The following SLC6A5 variants were observed in gnomAD, a reference collection of about 807,000 sequenced individuals.
The protein encoded by SLC6A5 is sodium- and chloride-dependent glycine transporter 2.
SLC6A5 carries 58 observed loss-of-function variants against 90.5 expected under a neutral mutation model. The ratio of observed to expected loss-of-function variants is 0.64; its 90% confidence interval spans 0.52 to 0.80. SLC6A5 has a LOEUF of 0.80. Among genes scored for constraint, SLC6A5 ranks in the 30% least tolerant of loss-of-function variants. The pLI is 0.00. For synonymous variants in SLC6A5, 427 were observed against 401.4 expected (o/e 1.06, Z -0.76); for missense variants, 1,015 against 1,017.6 (o/e 1.00, Z 0.03).
chr11:20,611,679 C>G (rs539989147), intron 5 of SLC6A5, among the ~76,000 whole-genome samples: 3 of 150,798 alleles, frequency 2.0e-5, no homozygotes, highest in Non-Finnish European at 4.4e-5. Flanking sequence ...ACGCAGGAAA[C>G]TCTATTTGCT....
chr11:20,600,904 C>T lies in SLC6A5; in HGVS notation c.4-225C>T, dbSNP rs1852458027. Among the ~76,000 whole-genome samples the T allele has an allele frequency of 1.3e-5, 2 of 152,134 alleles. 1 individual carries two copies. Among genetic ancestry groups the T allele is most frequent in the South Asian group, 4.1e-4 (2 of 4,828 alleles). ...CTACCTCTTTTCTTAGTTCATCCTC[C>T]ACTAGGGAGGGAATATTAGCTTCTT... is the stretch of plus-strand genomic sequence containing the variant. On this transcript the variant is annotated intron_variant, in intron 1 of 15. Coordinates refer to ENST00000525748, the MANE Select transcript of SLC6A5 (RefSeq NM_004211.5).
rs531279103 is a variant in SLC6A5 at position 20,655,024 on chromosome 11, G to A, written c.*156G>A. On this transcript the variant is annotated 3_prime_UTR_variant, in exon 16 of 16. Coordinates refer to ENST00000525748, the MANE Select transcript of SLC6A5 (RefSeq NM_004211.5). ...GTGATTATGTAGAAAAGTAGGCATA[G>A]TGTCGCATGCTGCAGTAAAGAGCTA... The A allele has an allele frequency of 6.0e-6, 5 of 839,686 alleles. No individual in the cohort carries two copies. The highest frequency in any genetic ancestry group is 8.1e-6 in the Non-Finnish European group (4 of 493,294). The allele number at this position is 839,686 out of a possible 1,614,324, so 52.0% of individuals were successfully genotyped here. A position where few individuals can be genotyped will look rare whatever the true frequency, so the allele number is the denominator to read the frequency against.
rs1853019250 is a variant in SLC6A5 at position 20,627,458 on chromosome 11, T to C, written c.1396-522T>C. On this transcript the variant is annotated intron_variant, in intron 8 of 15. Coordinates refer to ENST00000525748, the MANE Select transcript of SLC6A5 (RefSeq NM_004211.5). Reference sequence around the variant, plus strand: ...TAAGATTGCATAGCTAGGATTGAGTTTGATTGCACAAAACAGAAAGTCTCC... The same window carrying C: ...TAAGATTGCATAGCTAGGATTGAGTCTGATTGCACAAAACAGAAAGTCTCC... Among the ~76,000 whole-genome samples the C allele has an allele frequency of 1.3e-5, 2 of 152,138 alleles. 1 individual carries two copies. Among genetic ancestry groups the C allele is most frequent in the African/African-American group, 4.8e-5 (2 of 41,454 alleles).
At chr11:20,640,178 G>C (rs1458939094) in intron 13 of SLC6A5, among the ~76,000 whole-genome samples, 3 of 152,170 alleles carry the variant, frequency 2.0e-5, no homozygotes, top group Non-Finnish European at 1.5e-5. Flanking sequence ...TAGACGATCA[G>C]TTGGCAAAGT....
rs2133828512 is a variant in SLC6A5 at position 20,655,370 on chromosome 11, T to C, written c.*502T>C. 1 of 204,280 alleles carries C rather than the reference T, an allele frequency of 4.9e-6. No individual in the cohort carries two copies. The highest frequency in any genetic ancestry group is 9.2e-5 in the South Asian group (1 of 10,866). The allele number at this position is 204,280 out of a possible 1,614,324, so 12.7% of individuals were successfully genotyped here. The stretch of plus-strand genomic sequence containing the variant: ...AGTTAGCAGTGGTCAGAAAATGTTT[T>C]GGATGTAAGACAAGACCATTCAATT... On this transcript the variant is annotated 3_prime_UTR_variant, in exon 16 of 16. Transcript: ENST00000525748.
rs1341842937 is a variant in SLC6A5 at position 20,617,806 on chromosome 11, G to A, written c.1182G>A (p.Trp394Ter). The change falls in exon 7 of 16, where the codon TGG becomes TGA. Residue 394 changes from tryptophan to a stop codon, truncating the protein, a stop_gained. Coordinates refer to ENST00000525748, the MANE Select transcript of SLC6A5 (RefSeq NM_004211.5). LOFTEE classifies it high-confidence loss of function. ...TTGAATATCCTGGCGAGATCAGGTGGCCACTAGCTCTCTGCCTCTTCCTGG... is the reference window on the plus strand; with the variant it reads ...TTGAATATCCTGGCGAGATCAGGTGACCACTAGCTCTCTGCCTCTTCCTGG... ...AGIEYPGEIR[W>*]PLALCLFLAW... The A allele has an allele frequency of 6.2e-7, 1 of 1,614,172 alleles. No homozygotes were observed. The highest frequency in any genetic ancestry group is 1.1e-5 in the South Asian group (1 of 91,088).
chr11:20,615,472 A>C (rs972446162), intron 6 of SLC6A5, among the ~76,000 whole-genome samples: 2 of 151,840 alleles, frequency 1.3e-5, no homozygotes, highest in African/African-American at 2.4e-5. Flanking sequence ...GGTTCAAGTT[A>C]TTCTCCTGCC....
chr11:20,600,531 A>G (rs1047256581), intron 1 of SLC6A5, among the ~76,000 whole-genome samples: 67 of 152,142 alleles, frequency 4.4e-4, no homozygotes, highest in African/African-American at 1.6e-3. Flanking sequence ...AATTTAGTTT[A>G]TTATCGTTGT....
intron 12 of SLC6A5, among the ~76,000 whole-genome samples, chr11:20,637,676 A>T (rs1853236077): frequency 6.6e-6 from 1 of 152,196 alleles, no homozygotes; most frequent in Non-Finnish European, 1.5e-5. Context: ...TGCATCTGTG[A>T]ATAGCCACTA....
intron 8 of SLC6A5, among the ~76,000 whole-genome samples, chr11:20,627,298 T>A (rs1853016184): frequency 6.6e-6 from 1 of 152,210 alleles, no homozygotes; most frequent in Non-Finnish European, 1.5e-5. Flanking sequence ...AAGCTGAACT[T>A]TGTCTTTGCA....
At chr11:20,633,108 T>C (rs2133805276) in intron 10 of SLC6A5, among the ~76,000 whole-genome samples, 1 of 152,244 alleles carries the variant, frequency 6.6e-6, no homozygotes, top group African/African-American at 2.4e-5. Flanking sequence ...TTCAGAGCCA[T>C]CTCGCCACCA....
chr11:20,654,367 G>A (rs1369819556), intron 15 of SLC6A5, among the ~76,000 whole-genome samples: 1 of 143,280 alleles, frequency 7.0e-6, no homozygotes, highest in East Asian at 1.9e-4. Context: ...GAAGAGAGAA[G>A]CTTGTGGATT....
chr11:20,634,984 C>T (rs1590173893), intron 10 of SLC6A5, among the ~76,000 whole-genome samples: 2 of 152,052 alleles, frequency 1.3e-5, no homozygotes, highest in African/African-American at 2.4e-5. Flanking sequence ...CAGTAATCTT[C>T]CCAGTGAGAC....
chr11:20,629,815 C>T (rs1379247837), intron 9 of SLC6A5, among the ~76,000 whole-genome samples: 1 of 151,744 alleles, frequency 6.6e-6, no homozygotes, highest in African/African-American at 2.4e-5. Flanking sequence ...CTGCAACCTC[C>T]ACCTCCCAGG....
chr11:20,648,741 TC>T (rs1408625475), intron 14 of SLC6A5, among the ~76,000 whole-genome samples: 2 of 152,230 alleles, frequency 1.3e-5, no homozygotes, highest in East Asian at 3.8e-4. Flanking sequence ...TTGCTTTTCT[TC>T]CCACCCCAAA....
At chr11:20,619,000 G>T (rs978613610) in intron 7 of SLC6A5, among the ~76,000 whole-genome samples, 6 of 140,066 alleles carry the variant, frequency 4.3e-5, no homozygotes, top group Non-Finnish European at 9.6e-5. Context: ...CTACTGAAGA[G>T]TTAACCAGTT....
At chr11:20,627,451 A>T (rs1020078171) in intron 8 of SLC6A5, among the ~76,000 whole-genome samples, 1 of 152,210 alleles carries the variant, frequency 6.6e-6, no homozygotes, top group African/African-American at 2.4e-5. Context: ...CATAGCTAGG[A>T]TTGAGTTTGA....
chr11:20,601,223 G>C lies in SLC6A5; in HGVS notation c.98G>C (p.Arg33Thr), dbSNP rs867252696. 11 of 1,581,844 alleles carry C rather than the reference G, an allele frequency of 7.0e-6. No homozygotes were observed. The highest frequency in any genetic ancestry group is 3.5e-4 in the Middle Eastern group (2 of 5,748). The part of the protein sequence containing the change: ...QGHPDGPCAP[R>T]TSPEQELPAA... The stretch of plus-strand genomic sequence containing the variant: ...CACCCGGATGGCCCATGCGCTCCCA[G>C]GACGAGCCCGGAGCAGGAGCTTCCC... The change falls in exon 2 of 16, where the codon AGG (arginine) becomes ACG (threonine). Residue 33 changes from arginine to threonine, a missense_variant. Arg to Thr is a moderately conservative substitution (Grantham distance 71). Coordinates refer to ENST00000525748, the MANE Select transcript of SLC6A5 (RefSeq NM_004211.5).
chr11:20,599,840 G>A (rs1312377641), intron 1 of SLC6A5, among the ~76,000 whole-genome samples, 165 bp downstream of exon 1: 1 of 152,162 alleles, frequency 6.6e-6, no homozygotes, highest in Non-Finnish European at 1.5e-5. Context: ...ACTTGTGAGC[G>A]TCACCTGAGG....
Sources: gnomAD v4.1 joint callset for allele counts (sites outside exome capture counted in the v4.1 genomes callset) on GRCh38, gnomAD v4.1.1 for gene constraint, MANE v1.5 for transcripts, NCBI Gene and HGNC (gene_info 2026-07-23, HGNC 2026-07-21) for gene names.